The following MAP3K15 variants were observed in gnomAD, a reference collection of about 807,000 sequenced individuals.
The protein encoded by MAP3K15 is mitogen-activated protein kinase kinase kinase 15.
In MAP3K15, 124 loss-of-function variants were observed where a neutral mutation model predicts 99.5. The observed-to-expected ratio is 1.25, with a 90% CI of 1.08 to 1.45. MAP3K15 has a LOEUF of 1.45. Ranked by LOEUF, MAP3K15 falls within the 40% of genes most tolerant of loss-of-function variation. The pLI is 0.00. For synonymous variants in MAP3K15, 494 were observed against 439.6 expected (o/e 1.12, Z -1.55); for missense variants, 1,242 against 1,079.7 (o/e 1.15, Z -2.11).
chrX:19,372,820 C>A lies in MAP3K15; in HGVS notation c.2941G>T (p.Asp981Tyr), dbSNP rs766244558. Residue 981 changes from aspartate (D) to tyrosine (Y), a missense_variant, in exon 22 of 29, where the codon GAC (aspartate) becomes TAC (tyrosine). Coordinates refer to ENST00000338883, the MANE Select transcript of MAP3K15 (RefSeq NM_001001671.4). The part of the protein sequence containing the change: ...HHLGHLLSVP[D>Y]ESSALEDRGL... ...CGGTCTTCCAAGGCTGAGCTCTCGT[C>A]TGGAACACTGTGGACAAACACGTGT... is the stretch of plus-strand genomic sequence containing the variant. 1.5e-5 allele frequency: 18 copies of A among 1,205,528 alleles called. No homozygotes were observed. Among genetic ancestry groups the A allele is most frequent in the Admixed American group, 6.6e-5 (3 of 45,344 alleles).
chrX:19,424,558 G>A (rs890720136), intron 9 of MAP3K15, among the ~76,000 whole-genome samples: 2 of 111,130 alleles, frequency 1.8e-5, no homozygotes, highest in Non-Finnish European at 3.8e-5. Context: ...CTTGTAATTT[G>A]TAAGTGCAAA....
chrX:19,449,005 C>T (rs1030201523), intron 6 of MAP3K15, among the ~76,000 whole-genome samples: 2 of 109,622 alleles, frequency 1.8e-5, no homozygotes, highest in African/African-American at 6.5e-5. Context: ...ATTTCTCAAA[C>T]CATTCCCCAA....
chrX:19,451,671 A>T (rs1043070160), intron 6 of MAP3K15, among the ~76,000 whole-genome samples: 1 of 110,016 alleles, frequency 9.1e-6, no homozygotes, highest in African/African-American at 3.3e-5. Flanking sequence ...AAAAAGGAAA[A>T]CAGAAAATAA....
At chrX:19,451,419 G>A (rs971263754) in intron 6 of MAP3K15, among the ~76,000 whole-genome samples, 7 of 104,104 alleles carry the variant, frequency 6.7e-5, no homozygotes, top group East Asian at 5.7e-4. Flanking sequence ...ATATTTGATC[G>A]GGAGTCAATA....
intron 1 of MAP3K15, among the ~76,000 whole-genome samples, chrX:19,513,245 A>T (rs995197582): frequency 9.0e-6 from 1 of 111,315 alleles, no homozygotes; most frequent in Non-Finnish European, 1.9e-5. Flanking sequence ...GGCCCCCCGT[A>T]CACACACACT....
rs147835612 is a variant in MAP3K15, at chrX:19,512,506, G to A, written c.361+2395C>T. On this transcript the variant is annotated intron_variant, in intron 1 of 28. Coordinates refer to ENST00000338883, the MANE Select transcript of MAP3K15 (RefSeq NM_001001671.4). ...TTCGTTTATTTAGAGACAGGGTCTCGATCTGTCACCCAGGCTGGAGTGCAG... is the reference window on the plus strand; with the variant it reads ...TTCGTTTATTTAGAGACAGGGTCTCAATCTGTCACCCAGGCTGGAGTGCAG... Among the ~76,000 whole-genome samples the A allele has an allele frequency of 6.0e-3, 669 of 110,958 alleles. 8 individuals are homozygous for A. Among genetic ancestry groups the A allele is most frequent in the African/African-American group, 0.021 (642 of 30,528 alleles).
chrX:19,455,239 C>G (rs760533763), intron 6 of MAP3K15, among the ~76,000 whole-genome samples: 48 of 111,278 alleles, frequency 4.3e-4, no homozygotes, highest in African/African-American at 1.6e-3. Flanking sequence ...GGTGTGCAAT[C>G]CCAGCCATTC....
intron 24 of MAP3K15, among the ~76,000 whole-genome samples, chrX:19,369,893 G>C (rs1461387908): frequency 2.7e-5 from 3 of 109,237 alleles, no homozygotes; most frequent in African/African-American, 1.0e-4. Flanking sequence ...CTGGGTGACA[G>C]AGCAAGACTC....
At chrX:19,481,644 A>C (rs765245974) in intron 3 of MAP3K15, among the ~76,000 whole-genome samples, 1 of 112,289 alleles carries the variant, frequency 8.9e-6, no homozygotes, top group South Asian at 3.7e-4. Context: ...TCACCAAAGA[A>C]GACTATGAAT....
At position 19,361,500 on chromosome X, in the gene MAP3K15, A is replaced by G. The variant is rs759883184; in HGVS notation, c.3773T>C (p.Ile1258Thr). 5.8e-6 allele frequency: 7 copies of G among 1,208,233 alleles called. No homozygotes were observed. The East Asian group carries it at 1.2e-4, about 20-fold the overall frequency. ...LRLQGADAKT[I>T]EKIVEEGYTL... is the part of the protein sequence containing the mutation. ...TCTTTGTTGTAAATTTACCTTTTCA[A>G]TTGTCTTTGCATCAGCTCCTTGCAG... The change falls in exon 27 of 29, where the codon ATT becomes ACT. Residue 1258 changes from isoleucine (I) to threonine (T), a missense_variant. Ile to Thr is a moderately conservative substitution (Grantham distance 89, BLOSUM62 -1). Transcript: ENST00000338883.
At chrX:19,443,008 G>A (rs1408875094) in intron 6 of MAP3K15, among the ~76,000 whole-genome samples, 12 of 75,617 alleles carry the variant, frequency 1.6e-4, no homozygotes, top group Non-Finnish European at 2.8e-4. Context: ...ACAGGCATGA[G>A]CCACCATGCC....
intron 6 of MAP3K15, among the ~76,000 whole-genome samples, chrX:19,439,023 C>A (rs1015912718): frequency 8.9e-6 from 1 of 111,883 alleles, no homozygotes; most frequent in African/African-American, 3.3e-5. Flanking sequence ...CATGGTGAAA[C>A]CCTGTCTCTA....
At chrX:19,495,567 A>G (rs1016144176) in intron 1 of MAP3K15, among the ~76,000 whole-genome samples, 5 of 110,585 alleles carry the variant, frequency 4.5e-5, no homozygotes, top group Admixed American at 9.7e-5. Flanking sequence ...TTTTTCAACT[A>G]TGTAAGTGTG....
intron 19 of MAP3K15, among the ~76,000 whole-genome samples, chrX:19,378,472 G>A (rs1299560352): frequency 1.8e-5 from 2 of 112,055 alleles, no homozygotes; most frequent in Non-Finnish European, 3.8e-5. Context: ...TTCACAGGGC[G>A]GCAGGAGAGA....
intron 8 of MAP3K15, 100 bp downstream of exon 8, chrX:19,426,131 A>G: frequency 2.2e-6 from 1 of 452,072 alleles, no homozygotes; most frequent in Admixed American, 4.8e-5. Context: ...CAAAAAAAGA[A>G]TAGAAATATA....
At chrX:19,393,063 C>T (rs751469514) in intron 16 of MAP3K15, among the ~76,000 whole-genome samples, 2 of 110,828 alleles carry the variant, frequency 1.8e-5, no homozygotes, top group East Asian at 5.7e-4. Flanking sequence ...CCCCCAATTA[C>T]GCTATTAAAC....
At chrX:19,396,733 G>T (rs2063569929) in intron 15 of MAP3K15, among the ~76,000 whole-genome samples, 1 of 110,993 alleles carries the variant, frequency 9.0e-6, no homozygotes, top group African/African-American at 3.3e-5. Context: ...ATACATGGGT[G>T]TTTACACATT....
At chrX:19,360,958 CGT>C in intron 28 of MAP3K15, 125 bp from the exon 29 acceptor site, 1 of 489,382 alleles carries the variant, frequency 2.0e-6, no homozygotes, top group Non-Finnish European at 3.4e-6. Context: ...AGGTGACGCT[CGT>C]GTCCCAGCAG....
At chrX:19,414,734 T>A (rs2063718987) in intron 10 of MAP3K15, among the ~76,000 whole-genome samples, 1 of 112,117 alleles carries the variant, frequency 8.9e-6, no homozygotes, top group African/African-American at 3.2e-5. Context: ...TTGGGCTGGA[T>A]AATTCTTTAT....
Sources: gnomAD v4.1 joint callset for allele counts (sites outside exome capture counted in the v4.1 genomes callset) on GRCh38, gnomAD v4.1.1 for gene constraint, MANE v1.5 for transcripts, NCBI Gene and HGNC (gene_info 2026-07-23, HGNC 2026-07-21) for gene names.